The following ZC3H3 variants were observed in gnomAD, a reference collection of about 807,000 sequenced individuals.
ZC3H3 encodes the protein zinc finger CCCH-type containing 3, also known as zinc finger CCCH domain-containing protein 3.
ZC3H3 carries 36 observed loss-of-function variants against 77.3 expected under a neutral mutation model. That is an observed-to-expected ratio of 0.47 (90% confidence interval 0.36 to 0.61). ZC3H3 has a LOEUF of 0.61. Ranked by LOEUF, ZC3H3 falls within the 20% of genes least tolerant of loss-of-function variation. The pLI, the probability that ZC3H3 is intolerant of heterozygous loss-of-function variation, is 0.00. For synonymous variants in ZC3H3, 626 were observed against 555.2 expected, an observed-to-expected ratio of 1.13 and a Z score of -1.79; for missense variants, 1,331 against 1,312.2, an observed-to-expected ratio of 1.01 and a Z score of -0.22.
At chr8:143,468,303 T>A in intron 7 of ZC3H3, 25 bp from the exon 8 acceptor site, 4 of 1,612,654 alleles carry the variant, frequency 2.5e-6, no homozygotes, top group Non-Finnish European at 3.4e-6. Flanking sequence ...GAAACGGGTA[T>A]GAGGAAGGGC....
intron 9 of ZC3H3, among the ~76,000 whole-genome samples, chr8:143,453,154 T>C (rs1820029730): frequency 6.6e-6 from 1 of 152,214 alleles, no homozygotes; most frequent in Non-Finnish European, 1.5e-5. Context: ...CATAGATCAC[T>C]GCAGCCTCGA....
At chr8:143,511,187 C>G (rs1016906691) in intron 3 of ZC3H3, among the ~76,000 whole-genome samples, 2 of 152,208 alleles carry the variant, frequency 1.3e-5, no homozygotes, top group African/African-American at 2.4e-5. Flanking sequence ...TACCAAGCAC[C>G]ACATGCCCAA....
At position 143,437,950 on chromosome 8, in the gene ZC3H3, A is replaced by T; in HGVS notation, c.*106T>A. The T allele has an allele frequency of 6.9e-7, 1 of 1,458,726 alleles. No homozygotes were observed. Among genetic ancestry groups the T allele is most frequent in the South Asian group, 1.2e-5 (1 of 82,422 alleles). 90.4% of individuals were successfully genotyped at this position (1,458,726 alleles called of 1,614,324 possible). ...GCAGTGTCCCTGTGGCCCCCAGGTG[A>T]GGCTTGGTGGCGGGCGGCCCTCCTG... On this transcript the variant is annotated 3_prime_UTR_variant, in exon 12 of 12. Coordinates refer to ENST00000262577, the MANE Select transcript of ZC3H3 (RefSeq NM_015117.3).
At chr8:143,483,636 C>T (rs1166710054) in intron 4 of ZC3H3, among the ~76,000 whole-genome samples, 1 of 152,174 alleles carries the variant, frequency 6.6e-6, no homozygotes, top group Admixed American at 6.5e-5. Flanking sequence ...AGGGGCAGGG[C>T]TAAATGCTCA....
rs1402076673 is a variant in ZC3H3 at position 143,530,637 on chromosome 8, T to C, written c.1561+5620A>G. ...GGGAGTCATGCCTGTCATCTCAGGG[T>C]GGCCGAGCACAGCGACGGGCCCCAG... is the stretch of plus-strand genomic sequence containing the variant. On this transcript the variant is annotated intron_variant, in intron 3 of 11. Coordinates refer to ENST00000262577, the MANE Select transcript of ZC3H3 (RefSeq NM_015117.3). This position sits in a 1 kb window ranked among gnomAD's most constrained non-coding sequence, Gnocchi z 4.3. Among the ~76,000 whole-genome samples the C allele has an allele frequency of 6.6e-6, 1 of 151,996 alleles. No homozygotes were observed. The highest frequency in any genetic ancestry group is 1.5e-5 in the Non-Finnish European group (1 of 67,994).
chr8:143,541,192 G>C (rs952177297), intron 1 of ZC3H3, among the ~76,000 whole-genome samples, 184 bp downstream of exon 1: 2 of 152,154 alleles, frequency 1.3e-5, no homozygotes, highest in African/African-American at 4.8e-5. Flanking sequence ...GACAAAGCTG[G>C]AGCCGGGGAC....
At chr8:143,465,902 G>A (rs1313212208) in intron 8 of ZC3H3, 54 bp from the exon 9 acceptor site, 5 of 1,573,942 alleles carry the variant, frequency 3.2e-6, no homozygotes, top group Non-Finnish European at 2.6e-6. Context: ...CCAGGGCCCA[G>A]AGACGGTGGC....
At chr8:143,496,040 G>A (rs762007476) in intron 4 of ZC3H3, among the ~76,000 whole-genome samples, 2 of 152,188 alleles carry the variant, frequency 1.3e-5, no homozygotes, top group Non-Finnish European at 2.9e-5. Flanking sequence ...TAATACTACT[G>A]GAACTTGTGT....
intron 4 of ZC3H3, among the ~76,000 whole-genome samples, chr8:143,476,619 C>T (rs566039283): frequency 6.6e-6 from 1 of 152,340 alleles, no homozygotes; most frequent in African/African-American, 2.4e-5. Flanking sequence ...CATGAGCTCA[C>T]GCTCTGCTCA....
chr8:143,441,418 G>A (rs1044234765), intron 9 of ZC3H3, among the ~76,000 whole-genome samples: 2 of 152,204 alleles, frequency 1.3e-5, no homozygotes, highest in East Asian at 1.9e-4. Flanking sequence ...GCCAGGCCAT[G>A]GCTCAGGGCT....
rs933900330 is a variant in ZC3H3 at position 143,494,433 on chromosome 8, C to A, written c.1715+13313G>T. ...GCCTGCCAGCGTGGAGGATGGGGCT[C>A]CGGCAGATGACCCCCGAGGGGTGAG... is the stretch of plus-strand genomic sequence containing the variant. On this transcript the variant is annotated intron_variant, in intron 4 of 11. Coordinates refer to ENST00000262577, the MANE Select transcript of ZC3H3 (RefSeq NM_015117.3). This position sits in a 1 kb window ranked among gnomAD's most constrained non-coding sequence, Gnocchi z 5.3. Among the ~76,000 whole-genome samples the A allele has an allele frequency of 2.0e-5, 3 of 152,134 alleles. No homozygotes were observed. The highest frequency in any genetic ancestry group is 4.4e-5 in the Non-Finnish European group (3 of 68,012).
chr8:143,442,405 G>A (rs1400001822), intron 9 of ZC3H3, among the ~76,000 whole-genome samples: 1 of 121,898 alleles, frequency 8.2e-6, no homozygotes, highest in South Asian at 3.1e-4. Flanking sequence ...GGGGCCGGGG[G>A]GGGTGGGGGG....
intron 3 of ZC3H3, among the ~76,000 whole-genome samples, chr8:143,532,570 G>A (rs936832072): frequency 1.3e-5 from 2 of 152,260 alleles, no homozygotes; most frequent in Non-Finnish European, 2.9e-5. Flanking sequence ...ATCCAGGAAC[G>A]AACACCCCAG....
chr8:143,458,416 G>A (rs998095860), intron 9 of ZC3H3, among the ~76,000 whole-genome samples: 3 of 148,184 alleles, frequency 2.0e-5, no homozygotes, highest in African/African-American at 7.3e-5. Flanking sequence ...GGAGGCAGAG[G>A]TGGGAGGATC....
chr8:143,466,723 C>A (rs559191466), intron 8 of ZC3H3, among the ~76,000 whole-genome samples: 1 of 152,266 alleles, frequency 6.6e-6, no homozygotes, highest in Admixed American at 6.5e-5. Context: ...CCCCACAGAG[C>A]CCCTGCCAGC....
At chr8:143,518,676 C>T (rs1341222363) in intron 3 of ZC3H3, among the ~76,000 whole-genome samples, 1 of 152,240 alleles carries the variant, frequency 6.6e-6, no homozygotes. Context: ...TCTTGGCAGC[C>T]ACAGCACCGG....
chr8:143,479,394 G>C (rs1820844257), intron 4 of ZC3H3, among the ~76,000 whole-genome samples: 1 of 152,172 alleles, frequency 6.6e-6, no homozygotes, highest in Non-Finnish European at 1.5e-5. Flanking sequence ...GATAATAGCA[G>C]GGCCAAGGAC....
At chr8:143,467,092 C>A (rs1008693614) in intron 8 of ZC3H3, among the ~76,000 whole-genome samples, 2 of 152,208 alleles carry the variant, frequency 1.3e-5, no homozygotes, top group Middle Eastern at 6.8e-3. Flanking sequence ...TTAACTGCAG[C>A]CGCAGAGGGG....
intron 4 of ZC3H3, among the ~76,000 whole-genome samples, chr8:143,503,278 G>T (rs546264041): frequency 8.5e-5 from 13 of 152,276 alleles, no homozygotes; most frequent in Admixed American, 8.5e-4. Flanking sequence ...TGGCATACAG[G>T]CACTGCTCCT....
Sources: gnomAD v4.1 joint callset for allele counts (sites outside exome capture counted in the v4.1 genomes callset) on GRCh38, gnomAD v4.1.1 for gene constraint, Gnocchi (gnomAD v3.1) non-coding constraint, MANE v1.5 for transcripts, NCBI Gene and HGNC (gene_info 2026-07-23, HGNC 2026-07-21) for gene names.